DIAPH3: variants seen among roughly 807,000 people sequenced by gnomAD.
DIAPH3 encodes protein diaphanous homolog 3.
DIAPH3 carries 117 observed loss-of-function variants against 144.3 expected under a neutral mutation model. The observed-to-expected ratio is 0.81, with a 90% CI of 0.70 to 0.95. The LOEUF is 0.95. DIAPH3 is among the 40% of genes least tolerant of loss of function. The pLI is 0.00. For missense variants in DIAPH3, 1,421 were observed against 1,412.7 expected (o/e 1.01, Z -0.09); for synonymous variants, 519 against 488.9 (o/e 1.06, Z -0.81).
At chr13:59,877,772 C>G (rs2044726105) in intron 21 of DIAPH3, among the ~76,000 whole-genome samples, 2 of 151,732 alleles carry the variant, frequency 1.3e-5, no homozygotes, top group Non-Finnish European at 2.9e-5. Context: ...GTCTCATTAG[C>G]CCCACTCCTT....
chr13:60,054,889 C>T (rs552848077), intron 4 of DIAPH3, among the ~76,000 whole-genome samples: 2 of 151,996 alleles, frequency 1.3e-5, no homozygotes, highest in East Asian at 3.9e-4. Flanking sequence ...AAACAGATCT[C>T]CAGTGCCAAT....
chr13:60,091,310 C>A lies in DIAPH3; in HGVS notation c.495+2318G>T, dbSNP rs536311390. ...TTCACAGGACACAGTGATAGACTAT[C>A]GTCACACACCATCTCTAGTGCCTAA... On this transcript the variant is annotated intron_variant, in intron 4 of 27. Coordinates refer to ENST00000400324, the MANE Select transcript of DIAPH3 (RefSeq NM_001042517.2). 3.3e-5 allele frequency among the ~76,000 whole-genome samples: 5 copies of A among 152,230 alleles called. No individual in the cohort carries two copies. The South Asian group carries it at 1.0e-3, about 32-fold the overall frequency.
rs141886417 is a variant in DIAPH3 at position 59,918,398 on chromosome 13, G to A, written c.2171-2149C>T. Reference sequence around the variant, plus strand: ...CACTGGTACCAGACAGGAATCTAACGGTCCTTTGAGAAAAGACTCGAGTTC... The same window carrying A: ...CACTGGTACCAGACAGGAATCTAACAGTCCTTTGAGAAAAGACTCGAGTTC... On this transcript the variant is annotated intron_variant, in intron 18 of 27. Transcript: ENST00000400324. Among the ~76,000 whole-genome samples, 172 of 152,118 alleles carry A rather than the reference G, an allele frequency of 1.1e-3. 1 individual carries two copies. Among genetic ancestry groups the A allele is most frequent in the African/African-American group, 4.0e-3 (165 of 41,490 alleles).
intron 27 of DIAPH3, among the ~76,000 whole-genome samples, chr13:59,720,105 T>C (rs2035262795): frequency 6.6e-6 from 1 of 152,166 alleles, no homozygotes; most frequent in Non-Finnish European, 1.5e-5. Flanking sequence ...ATATAGCCTA[T>C]ATACACCTAG....
At chr13:59,932,104 AC>A (rs2048050085) in intron 17 of DIAPH3, among the ~76,000 whole-genome samples, 1 of 152,160 alleles carries the variant, frequency 6.6e-6, no homozygotes, top group African/African-American at 2.4e-5. Flanking sequence ...CCTTAACCTG[AC>A]CAAATAGCAA....
intron 21 of DIAPH3, among the ~76,000 whole-genome samples, chr13:59,875,010 A>C (rs1486631640): frequency 6.6e-6 from 1 of 152,110 alleles, no homozygotes; most frequent in Non-Finnish European, 1.5e-5. Context: ...ATGGTGTTGA[A>C]CTTTGATGGT....
intron 17 of DIAPH3, among the ~76,000 whole-genome samples, chr13:59,968,306 T>C (rs1157191748): frequency 6.6e-6 from 1 of 152,168 alleles, no homozygotes; most frequent in Non-Finnish European, 1.5e-5. Flanking sequence ...CAGAATTACT[T>C]AAATAGTTTT....
intron 4 of DIAPH3, among the ~76,000 whole-genome samples, chr13:60,070,963 A>T (rs558598974): frequency 5.8e-4 from 88 of 152,342 alleles, no homozygotes; most frequent in Non-Finnish European, 1.1e-3. Flanking sequence ...TGACATTATT[A>T]TTTAAATTAT....
At chr13:59,963,245 C>T (rs1177068646) in intron 17 of DIAPH3, among the ~76,000 whole-genome samples, 6 of 152,034 alleles carry the variant, frequency 3.9e-5, no homozygotes, top group African/African-American at 1.2e-4. Flanking sequence ...AGATCATATG[C>T]CCAAATGATT....
intron 20 of DIAPH3, among the ~76,000 whole-genome samples, chr13:59,893,731 C>A (rs551353517): frequency 9.2e-5 from 14 of 152,090 alleles, no homozygotes; most frequent in South Asian, 2.1e-4. Context: ...AACAAGAGAA[C>A]CTTTTTCTAT....
chr13:59,982,420 C>A (rs1403378873), intron 13 of DIAPH3, among the ~76,000 whole-genome samples: 1 of 151,202 alleles, frequency 6.6e-6, no homozygotes, highest in Non-Finnish European at 1.5e-5. Context: ...CTTCCCACTC[C>A]CCCCACCCCA....
intron 25 of DIAPH3, among the ~76,000 whole-genome samples, chr13:59,786,725 A>C (rs754947825): frequency 6.6e-6 from 1 of 152,194 alleles, no homozygotes; most frequent in Non-Finnish European, 1.5e-5. Flanking sequence ...TGCACCACAG[A>C]ACACTAGTCC....
chr13:60,154,410 C>G (rs1000736629), intron 1 of DIAPH3, among the ~76,000 whole-genome samples: 2 of 152,114 alleles, frequency 1.3e-5, no homozygotes, highest in Non-Finnish European at 2.9e-5. Flanking sequence ...GATTCAACCC[C>G]TGAGAGTGGT....
chr13:60,021,467 A>G (rs1217909346), intron 5 of DIAPH3, among the ~76,000 whole-genome samples: 1 of 152,110 alleles, frequency 6.6e-6, no homozygotes, highest in Non-Finnish European at 1.5e-5. Context: ...TCTACTAAAA[A>G]TACAAAAATA....
chr13:59,804,247 T>G lies in DIAPH3; in HGVS notation c.3163+6541A>C, dbSNP rs74520563. ...ACCACTGATTATGTTACCAAAGACATGACTGACCCTCTCACACATTTCCAG... is the reference window on the plus strand; with the variant it reads ...ACCACTGATTATGTTACCAAAGACAGGACTGACCCTCTCACACATTTCCAG... On this transcript the variant is annotated intron_variant, in intron 25 of 27. Transcript: ENST00000400324. Among the ~76,000 whole-genome samples, 983 of 152,280 alleles carry G rather than the reference T, an allele frequency of 6.5e-3. 10 individuals carry two copies. The highest frequency in any genetic ancestry group is 0.021 in the African/African-American group (885 of 41,560).
At chr13:60,073,348 A>G (rs972234113) in intron 4 of DIAPH3, among the ~76,000 whole-genome samples, 1 of 152,106 alleles carries the variant, frequency 6.6e-6, no homozygotes, top group African/African-American at 2.4e-5. Context: ...TTTTCAACTG[A>G]ATCCTTTTGG....
chr13:59,789,182 T>C (rs766042188), intron 25 of DIAPH3, among the ~76,000 whole-genome samples: 5 of 152,132 alleles, frequency 3.3e-5, no homozygotes, highest in Non-Finnish European at 7.3e-5. Context: ...TGTGAAGTGA[T>C]AATGACATTT....
chr13:60,162,229 A>G (rs1048044486), intron 1 of DIAPH3, among the ~76,000 whole-genome samples: 2 of 152,222 alleles, frequency 1.3e-5, no homozygotes, highest in African/African-American at 4.8e-5. Flanking sequence ...AAATCCTTCA[A>G]TGAAACTTAA....
At chr13:59,666,947 T>C in intron 27 of DIAPH3, 101 bp from the exon 28 acceptor site, 1 of 1,345,628 alleles carries the variant, frequency 7.4e-7, no homozygotes, top group East Asian at 2.5e-5. Context: ...AATAAATAAG[T>C]AGTCTTCTTA....
Sources: allele counts gnomAD v4.1 joint callset (sites outside exome capture counted in the v4.1 genomes callset), GRCh38; gene constraint gnomAD v4.1.1; transcripts MANE v1.5; gene names NCBI Gene and HGNC (gene_info 2026-07-23, HGNC 2026-07-21).